PLD5: variants seen among roughly 807,000 people sequenced by gnomAD.
The protein encoded by PLD5 is inactive phospholipase D5.
PLD5 carries 36 observed loss-of-function variants against 61.1 expected under a neutral mutation model. The observed-to-expected ratio is 0.59, with a 90% CI of 0.45 to 0.78. The LOEUF is 0.78. Ranked by LOEUF, PLD5 falls within the 30% of genes least tolerant of loss-of-function variation. PLD5 has a pLI of 0.00. For missense variants in PLD5, 515 were observed against 644.4 expected (o/e 0.80, Z 2.17); for synonymous variants, 243 against 242.8 (o/e 1.00, Z -0.01).
rs1553324945 is a variant in PLD5, at chr1:242,207,902, A to ATATATATT, written c.735+12085_735+12086insAATATATA. Reference sequence around the variant, plus strand: ...TTTATATATTTATATATATTTATATATTTATATATATTTATATATTTATAT... The same window carrying ATATATATT: ...TTTATATATTTATATATATTTATATATATATATTTTTATATATATTTATATATTTATAT... On this transcript the variant is annotated intron_variant, in intron 5 of 9. Transcript: ENST00000536534. Among the ~76,000 whole-genome samples the ATATATATT allele has an allele frequency of 3.0e-3, 64 of 21,072 alleles. 6 individuals carry two copies. Among genetic ancestry groups the ATATATATT allele is most frequent in the African/African-American group, 0.015 (61 of 3,982 alleles). The allele number at this position is 21,072 out of a possible 152,430, so 13.8% of individuals were successfully genotyped here. A position where few individuals can be genotyped will look rare whatever the true frequency, so the allele number is the denominator to read the frequency against.
intron 5 of PLD5, among the ~76,000 whole-genome samples, chr1:242,143,722 G>T (rs1664343225): frequency 6.6e-6 from 1 of 152,180 alleles, no homozygotes; most frequent in African/African-American, 2.4e-5. Context: ...AAATGTAGCT[G>T]CCTCAGGGAC....
In PLD5 at chr1:242,261,917, G is replaced by A. The variant is rs574795137; in HGVS notation, c.607+3420C>T. On this transcript the variant is annotated intron_variant, in intron 4 of 9. Coordinates refer to ENST00000536534, the MANE Select transcript of PLD5 (RefSeq NM_001372062.1). ...CAACCACTTAGAAAACTGACTGGCC[G>A]TATCTATCGAAATCGAACACATATA... 7.2e-5 allele frequency among the ~76,000 whole-genome samples: 11 copies of A among 152,264 alleles called. No homozygotes were observed. In the South Asian group the frequency reaches 1.5e-3, roughly 20 times the overall value.
At chr1:242,168,427 G>A (rs1215382143) in intron 5 of PLD5, among the ~76,000 whole-genome samples, 1 of 152,166 alleles carries the variant, frequency 6.6e-6, no homozygotes, top group Non-Finnish European at 1.5e-5. Context: ...TTGGCAATAA[G>A]AGCTTTTCTT....
intron 4 of PLD5, among the ~76,000 whole-genome samples, chr1:242,248,870 G>A (rs1341458588): frequency 3.9e-5 from 6 of 152,120 alleles, no homozygotes; most frequent in African/African-American, 9.7e-5. Flanking sequence ...ATGGCCAGCC[G>A]GGCTTGGTGG....
intron 7 of PLD5, among the ~76,000 whole-genome samples, chr1:242,110,004 G>A (rs1253003648): frequency 6.7e-6 from 1 of 149,710 alleles, no homozygotes; most frequent in Non-Finnish European, 1.5e-5. Flanking sequence ...ATGTACCTGA[G>A]GCTGAGGCAG....
rs1444162166 is a variant in PLD5 at position 242,393,648 on chromosome 1, A to G, written c.190-45406T>C. Among the ~76,000 whole-genome samples, 3 of 105,414 alleles carry G rather than the reference A, an allele frequency of 2.8e-5. 1 individual carries two copies. Among genetic ancestry groups the G allele is most frequent in the African/African-American group, 8.3e-5 (2 of 24,166 alleles). 69.2% of individuals were successfully genotyped at this position (105,414 alleles called of 152,430 possible). On this transcript the variant is annotated intron_variant, in intron 1 of 9. Coordinates refer to ENST00000536534, the MANE Select transcript of PLD5 (RefSeq NM_001372062.1). ...TATGAGTATATATATGTGTATATAT[A>G]TGAGTATATATGTGTATATATATGA...
chr1:242,368,194 G>T (rs1181173509), intron 1 of PLD5, among the ~76,000 whole-genome samples: 1 of 152,100 alleles, frequency 6.6e-6, no homozygotes, highest in Non-Finnish European at 1.5e-5. Flanking sequence ...TAAACCTACT[G>T]CTCCACTGTA....
At chr1:242,167,066 ACAATAATAATAG>A (rs1334843954) in intron 5 of PLD5, among the ~76,000 whole-genome samples, 34 of 54,838 alleles carry the variant, frequency 6.2e-4, no homozygotes, top group African/African-American at 1.2e-3. Flanking sequence ...AGAGTGAGAG[ACAATAATAATAG>A]TAATAATAAT....
intron 4 of PLD5, among the ~76,000 whole-genome samples, chr1:242,245,409 T>C (rs969581858): frequency 1.3e-5 from 2 of 152,206 alleles, no homozygotes; most frequent in Admixed American, 1.3e-4. Context: ...CATAATTAGA[T>C]TCATTCATCA....
chr1:242,353,870 A>G (rs2995362), intron 1 of PLD5, among the ~76,000 whole-genome samples: 150,332 of 152,156 alleles, frequency 0.99, 74,291 homozygotes, highest in Non-Finnish European at 1. Context: ...ATTTTTTATA[A>G]CTATTATAAA....
At chr1:242,502,815 C>T (rs752779506) in intron 1 of PLD5, among the ~76,000 whole-genome samples, 5 of 152,114 alleles carry the variant, frequency 3.3e-5, no homozygotes, top group Non-Finnish European at 7.3e-5. Flanking sequence ...AATCCCAGCA[C>T]TTTGGGAGGC....
chr1:242,318,231 C>T (rs1057323961), intron 2 of PLD5, among the ~76,000 whole-genome samples: 1 of 152,164 alleles, frequency 6.6e-6, no homozygotes, highest in Non-Finnish European at 1.5e-5. Flanking sequence ...GATTAAGACA[C>T]TTCTTTGCCC....
intron 4 of PLD5, among the ~76,000 whole-genome samples, chr1:242,222,044 T>A (rs1159098783): frequency 6.6e-6 from 1 of 152,126 alleles, no homozygotes; most frequent in Non-Finnish European, 1.5e-5. Context: ...CCTCTTCTGG[T>A]GGTGCCCATT....
At chr1:242,328,790 A>C (rs1658985365) in intron 2 of PLD5, among the ~76,000 whole-genome samples, 1 of 152,192 alleles carries the variant, frequency 6.6e-6, no homozygotes, top group African/African-American at 2.4e-5. Context: ...TCCAGAATCA[A>C]CCTGCCACCC....
intron 2 of PLD5, among the ~76,000 whole-genome samples, chr1:242,339,334 C>T (rs73126325): frequency 0.023 from 3,543 of 152,132 alleles, 130 homozygotes; most frequent in African/African-American, 0.08. Flanking sequence ...AACAAACAAA[C>T]AGAAATGCTG....
At chr1:242,307,184 G>C (rs1404272005) in intron 2 of PLD5, among the ~76,000 whole-genome samples, 3 of 152,128 alleles carry the variant, frequency 2.0e-5, no homozygotes, top group Non-Finnish European at 4.4e-5. Context: ...ACAACTTCCA[G>C]ATTATATAAC....
rs570433582 is a variant in PLD5, at chr1:242,473,938, G to A, written c.189+50150C>T. ...GTTCAATGGGAACATTCCATTACCCGAGACAATAGTTTTGTGGAGTGCAAT... is the reference window on the plus strand; with the variant it reads ...GTTCAATGGGAACATTCCATTACCCAAGACAATAGTTTTGTGGAGTGCAAT... On this transcript the variant is annotated intron_variant, in intron 1 of 9. Transcript: ENST00000536534. Among the ~76,000 whole-genome samples, 14 of 152,104 alleles carry A rather than the reference G, an allele frequency of 9.2e-5. No homozygotes were observed. In the East Asian group the frequency reaches 1.7e-3, roughly 19 times the overall value.
At chr1:242,462,107 T>C (rs1667137737) in intron 1 of PLD5, among the ~76,000 whole-genome samples, 1 of 152,194 alleles carries the variant, frequency 6.6e-6, no homozygotes, top group Non-Finnish European at 1.5e-5. Flanking sequence ...TTGTTTTTGT[T>C]GCAATTGCTT....
intron 1 of PLD5, among the ~76,000 whole-genome samples, chr1:242,360,121 A>G (rs3851903): frequency 0.9 from 136,285 of 152,120 alleles, 62,171 homozygotes; most frequent in Non-Finnish European, 0.98. Context: ...TTGTAAAAAC[A>G]TACATTGCTG....
Sources: gnomAD v4.1 joint callset for allele counts (sites outside exome capture counted in the v4.1 genomes callset) on GRCh38, gnomAD v4.1.1 for gene constraint, MANE v1.5 for transcripts, NCBI Gene and HGNC (gene_info 2026-07-23, HGNC 2026-07-21) for gene names.